Variants in MCF2L2 observed in about 807,000 individuals in gnomAD.
MCF2L2 encodes the protein probable guanine nucleotide exchange factor MCF2L2.
In MCF2L2, 102 loss-of-function variants were observed where a neutral mutation model predicts 150.2. The ratio of observed to expected loss-of-function variants is 0.68; its 90% CI spans 0.58 to 0.80. The LOEUF is 0.80. Among genes scored for constraint, MCF2L2 ranks in the 30% least tolerant of loss-of-function variants. The pLI is 0.00. For missense variants in MCF2L2, 1,256 were observed against 1,372.8 expected, an observed-to-expected ratio of 0.91 and a Z score of 1.34; for synonymous variants, 465 against 491.3, an observed-to-expected ratio of 0.95 and a Z score of 0.71.
rs1484341562 is a variant in MCF2L2, at chr3:183,181,047, G to A, written c.3017-888C>T. Among the ~76,000 whole-genome samples, 1 of 152,234 alleles carries A rather than the reference G, an allele frequency of 6.6e-6. No homozygotes were observed. Among genetic ancestry groups the A allele is most frequent in the Non-Finnish European group, 1.5e-5 (1 of 68,050 alleles). On this transcript the variant is annotated intron_variant, in intron 27 of 29. Transcript: ENST00000328913. The surrounding 1 kb of genome is among the most constrained non-coding windows in gnomAD (Gnocchi z 4.3). ...GGGTCAGCTGAGTAGTCTACGCGGCGGGAGCCGTGCTAGGAAAGTGTCTGC... is the reference window on the plus strand; with the variant it reads ...GGGTCAGCTGAGTAGTCTACGCGGCAGGAGCCGTGCTAGGAAAGTGTCTGC...
At chr3:183,258,789 G>C (rs1246083619) in intron 15 of MCF2L2, among the ~76,000 whole-genome samples, 1 of 152,010 alleles carries the variant, frequency 6.6e-6, no homozygotes, top group Non-Finnish European at 1.5e-5. Flanking sequence ...GTCCAGGCTA[G>C]AGTGCAGAGG....
intron 7 of MCF2L2, among the ~76,000 whole-genome samples, chr3:183,315,624 G>T (rs933926698): frequency 6.6e-6 from 1 of 152,218 alleles, no homozygotes; most frequent in African/African-American, 2.4e-5. Flanking sequence ...GCTCAGAGCT[G>T]CCTGTTTTAA....
chr3:183,298,722 TTC>T (rs1206901299), intron 11 of MCF2L2: 10 of 137,674 alleles, frequency 7.3e-5, no homozygotes, highest in African/African-American at 8.9e-5. Flanking sequence ...GCTACTTGCT[TTC>T]TCTCTCTCTC....
chr3:183,419,549 A>G (rs1367010442), intron 1 of MCF2L2, among the ~76,000 whole-genome samples: 1 of 152,232 alleles, frequency 6.6e-6, no homozygotes, highest in Non-Finnish European at 1.5e-5. Flanking sequence ...GTGAATGCAT[A>G]TAACTGAACA....
chr3:183,361,516 ACT>A (rs1251713952), intron 3 of MCF2L2, among the ~76,000 whole-genome samples: 1 of 150,722 alleles, frequency 6.6e-6, no homozygotes, highest in East Asian at 1.9e-4. Context: ...CTCCCCTATC[ACT>A]CTCTCTCTCC....
intron 3 of MCF2L2, among the ~76,000 whole-genome samples, chr3:183,359,914 C>T (rs1712022091): frequency 6.6e-6 from 1 of 152,160 alleles, no homozygotes; most frequent in Admixed American, 6.5e-5. Flanking sequence ...CTTACATGTG[C>T]AAAAGATGTA....
chr3:183,266,444 G>A (rs1408756170), intron 15 of MCF2L2, among the ~76,000 whole-genome samples: 2 of 152,216 alleles, frequency 1.3e-5, no homozygotes, highest in Non-Finnish European at 2.9e-5. Context: ...TCTCAAAAAT[G>A]TGTATGCTGG....
At chr3:183,405,476 C>G (rs994307482) in intron 1 of MCF2L2, among the ~76,000 whole-genome samples, 2 of 151,006 alleles carry the variant, frequency 1.3e-5, no homozygotes, top group Admixed American at 1.3e-4. Context: ...GTGAGTCAAA[C>G]CACTCACCCA....
At chr3:183,185,316 C>T (rs1031491240) in intron 27 of MCF2L2, among the ~76,000 whole-genome samples, 1 of 152,226 alleles carries the variant, frequency 6.6e-6, no homozygotes, top group Non-Finnish European at 1.5e-5. Context: ...AAAAGCAATG[C>T]CTAAACCCCC....
intron 15 of MCF2L2, 24 bp from the exon 16 acceptor site, chr3:183,231,041 G>T (rs750235584): frequency 4.1e-5 from 65 of 1,571,362 alleles, no homozygotes; most frequent in Non-Finnish European, 5.0e-5. Context: ...GCAGGTGGGA[G>T]GGTGAAAGAG....
intron 5 of MCF2L2, among the ~76,000 whole-genome samples, chr3:183,337,007 T>C (rs1169271519): frequency 2.6e-5 from 4 of 152,184 alleles, no homozygotes; most frequent in African/African-American, 9.7e-5. Context: ...TTGAAATTTT[T>C]CTAAAAGGAA....
intron 7 of MCF2L2, among the ~76,000 whole-genome samples, chr3:183,316,293 G>C (rs1729598612): frequency 8.9e-6 from 1 of 111,970 alleles, no homozygotes; most frequent in South Asian, 2.7e-4. Flanking sequence ...TACAATTTCA[G>C]TCCAGATTTT....
rs538093470 is a variant in MCF2L2 at position 183,309,205 on chromosome 3, T to C, written c.1113+511A>G. On this transcript the variant is annotated intron_variant, in intron 10 of 29. Transcript: ENST00000328913. ...AAGCTTTGCCAATTCTGTGTAGCAA[T>C]GGAACTAACATGGACCAATTTCCCC... 2.0e-5 allele frequency among the ~76,000 whole-genome samples: 3 copies of C among 152,284 alleles called. No individual in the cohort carries two copies. The South Asian group carries it at 6.2e-4, about 32-fold the overall frequency.
At chr3:183,309,582 T>A in intron 10 of MCF2L2, 134 bp downstream of exon 10, 1 of 1,094,844 alleles carries the variant, frequency 9.1e-7, no homozygotes, top group Non-Finnish European at 1.4e-6. Flanking sequence ...CTCCTTGGGA[T>A]CCTGGGGTGA....
chr3:183,249,690 A>G (rs1576959141), intron 15 of MCF2L2, among the ~76,000 whole-genome samples: 1 of 152,350 alleles, frequency 6.6e-6, no homozygotes, highest in African/African-American at 2.4e-5. Flanking sequence ...GTGCCAGGCC[A>G]TAGAAGCAGT....
At position 183,181,018 on chromosome 3, in the gene MCF2L2, C is replaced by T. The variant is rs149880733; in HGVS notation, c.3017-859G>A. ...GGTCCCAACACAGGACAGCCCCAGA[C>T]CGAGGGTCAGCTGAGTAGTCTACGC... is the stretch of plus-strand genomic sequence containing the variant. On this transcript the variant is annotated intron_variant, in intron 27 of 29. Coordinates refer to ENST00000328913, the MANE Select transcript of MCF2L2 (RefSeq NM_015078.4). The surrounding 1 kb of genome is among the most constrained non-coding windows in gnomAD (Gnocchi z 4.3). 2.9e-4 allele frequency among the ~76,000 whole-genome samples: 44 copies of T among 152,344 alleles called. 1 individual carries two copies. The East Asian group carries it at 8.5e-3, about 29-fold the overall frequency.
chr3:183,299,891 AC>A lies in MCF2L2; in HGVS notation c.1305+113del, dbSNP rs201364389. 581 of 1,151,990 alleles carry A rather than the reference AC, an allele frequency of 5.0e-4. 1 individual carries two copies. The East Asian group carries it at 0.013, about 25-fold the overall frequency. The allele number at this position is 1,151,990 out of a possible 1,614,324, so 71.4% of individuals were successfully genotyped here. A position where few individuals can be genotyped will look rare whatever the true frequency, so the allele number is the denominator to read the frequency against. On this transcript the variant is annotated intron_variant, in intron 11 of 29. Coordinates refer to ENST00000328913, the MANE Select transcript of MCF2L2 (RefSeq NM_015078.4). ...TTTAATGCCTCTCGAACATCTTTTC[AC>A]ATAAAGCACTCAAGCCTCTCAGCAA...
At position 183,419,460 on chromosome 3, in the gene MCF2L2, C is replaced by T. The variant is rs559245331; in HGVS notation, c.76+8442G>A. ...GGGTTTTTCTTTTCTACCACATGGT[C>T]AGGTAGGCTGCAAAATTTCCAAACC... On this transcript the variant is annotated intron_variant, in intron 1 of 29. Transcript: ENST00000328913. Among the ~76,000 whole-genome samples, 3 of 152,346 alleles carry T rather than the reference C, an allele frequency of 2.0e-5. No homozygotes were observed. In the South Asian group the frequency reaches 6.2e-4, roughly 32 times the overall value.
In MCF2L2 at chr3:183,297,109, C is replaced by T; in HGVS notation, c.1364G>A (p.Cys455Tyr). 1 of 1,614,146 alleles carries T rather than the reference C, an allele frequency of 6.2e-7. No individual in the cohort carries two copies. The highest frequency in any genetic ancestry group is 1.1e-5 in the South Asian group (1 of 91,086). Residue 455 changes from cysteine to tyrosine, a missense_variant, in exon 12 of 30, where the codon TGC becomes TAC. Coordinates refer to ENST00000328913, the MANE Select transcript of MCF2L2 (RefSeq NM_015078.4). ...YLLASQAVDK[C>Y]QSREGVDIAL... The stretch of plus-strand genomic sequence containing the variant: ...GATATCAACCCCTTCTCGAGACTGG[C>T]ACTTGTCTACAGCTTGGGAAGCCAA...
Sources: gnomAD v4.1 joint callset for allele counts (sites outside exome capture counted in the v4.1 genomes callset) on GRCh38, gnomAD v4.1.1 for gene constraint, Gnocchi (gnomAD v3.1) non-coding constraint, MANE v1.5 for transcripts, NCBI Gene and HGNC (gene_info 2026-07-23, HGNC 2026-07-21) for gene names.